PDE9A: variants seen among roughly 807,000 people sequenced by gnomAD.
PDE9A encodes high affinity cGMP-specific 3',5'-cyclic phosphodiesterase 9A.
In PDE9A, 60 loss-of-function variants were observed where a neutral mutation model predicts 87.4. The observed-to-expected ratio is 0.69, with a 90% confidence interval of 0.56 to 0.85. The LOEUF (loss-of-function observed/expected upper bound fraction) is 0.85. Among genes scored for constraint, PDE9A ranks in the 40% least tolerant of loss-of-function variants. The pLI, the probability that PDE9A is intolerant of heterozygous loss-of-function variation, is 0.00. For missense variants in PDE9A, 665 were observed against 779.0 expected (o/e 0.85, Z 1.74); for synonymous variants, 272 against 279.4 (o/e 0.97, Z 0.27).
At chr21:42,673,541 CAT>C (rs1369339209) in intron 1 of PDE9A, among the ~76,000 whole-genome samples, 1 of 152,232 alleles carries the variant, frequency 6.6e-6, no homozygotes, top group Non-Finnish European at 1.5e-5. Flanking sequence ...ACCGTCCTAA[CAT>C]ATGAAGCATA....
chr21:42,753,840 G>A (rs2054691522), intron 9 of PDE9A, 150 bp from the exon 10 acceptor site: 1 of 529,232 alleles, frequency 1.9e-6, no homozygotes, highest in South Asian at 2.4e-5. Context: ...CTCCAGCGTG[G>A]GCAAGAGTGA....
chr21:42,715,458 C>G (rs937692844), intron 4 of PDE9A, among the ~76,000 whole-genome samples: 1 of 147,070 alleles, frequency 6.8e-6, no homozygotes, highest in Non-Finnish European at 1.5e-5. Context: ...GAAACCCTGT[C>G]TCTACTAAAA....
chr21:42,728,149 G>C (rs2051334068), intron 4 of PDE9A, among the ~76,000 whole-genome samples: 1 of 152,204 alleles, frequency 6.6e-6, no homozygotes, highest in Non-Finnish European at 1.5e-5. Context: ...CATTGTATTA[G>C]GTATTCTAAG....
In PDE9A at chr21:42,732,365, G is replaced by A. The variant is rs542179687; in HGVS notation, c.497+241G>A. Among the ~76,000 whole-genome samples, 10 of 152,334 alleles carry A rather than the reference G, an allele frequency of 6.6e-5. No individual in the cohort carries two copies. In the South Asian group the frequency reaches 2.1e-3, roughly 32 times the overall value. On this transcript the variant is annotated intron_variant, in intron 6 of 19. Transcript: ENST00000291539. Reference sequence around the variant, plus strand: ...ATGTTGAGTGGGTGCATTAGAATGTGAGCTCGTGAGGTCGAGAATGTTCTC... The same window carrying A: ...ATGTTGAGTGGGTGCATTAGAATGTAAGCTCGTGAGGTCGAGAATGTTCTC...
rs1432026626 is a variant in PDE9A at position 42,675,627 on chromosome 21, C to T, written c.70-10565C>T. Among the ~76,000 whole-genome samples, 3 of 152,304 alleles carry T rather than the reference C, an allele frequency of 2.0e-5. No homozygotes were observed. Among genetic ancestry groups the T allele is most frequent in the Non-Finnish European group, 2.9e-5 (2 of 68,020 alleles). On this transcript the variant is annotated intron_variant, in intron 1 of 19. Coordinates refer to ENST00000291539, the MANE Select transcript of PDE9A (RefSeq NM_002606.3). This position sits in a 1 kb window ranked among gnomAD's most constrained non-coding sequence, Gnocchi z 4.3. ...AACGGCGCCAGCCTCACTGCCTCTGCGTTAGTGCCGCCACTTCATCTCAGA... is the reference window on the plus strand; with the variant it reads ...AACGGCGCCAGCCTCACTGCCTCTGTGTTAGTGCCGCCACTTCATCTCAGA...
At chr21:42,743,911 G>T in intron 8 of PDE9A, 51 bp downstream of exon 8, 1 of 1,031,328 alleles carries the variant, frequency 9.7e-7, no homozygotes, top group Non-Finnish European at 1.5e-6. Flanking sequence ...AGGGCTCCCC[G>T]TACCAGTTGG....
chr21:42,689,718 G>C, intron 3 of PDE9A: 1 of 985,418 alleles, frequency 1.0e-6, no homozygotes, highest in Non-Finnish European at 1.2e-6. Flanking sequence ...AGACACACCA[G>C]ACAAAAGCCC....
chr21:42,695,819 G>A lies in PDE9A; in HGVS notation c.219-3149G>A, dbSNP rs766727332. On this transcript the variant is annotated intron_variant, in intron 3 of 19. Transcript: ENST00000291539. This position sits in a 1 kb window ranked among gnomAD's most constrained non-coding sequence, Gnocchi z 4.3. The stretch of plus-strand genomic sequence containing the variant: ...GTGTTAATTTGTTATTGAGCATGAT[G>A]AAGATTCAGCTCCATTGAGACTGAG... Among the ~76,000 whole-genome samples, 3 of 152,248 alleles carry A rather than the reference G, an allele frequency of 2.0e-5. No individual in the cohort carries two copies. Among genetic ancestry groups the A allele is most frequent in the Non-Finnish European group, 4.4e-5 (3 of 68,048 alleles).
At chr21:42,688,102 G>T in intron 3 of PDE9A, 108 bp downstream of exon 3, 1 of 922,990 alleles carries the variant, frequency 1.1e-6, no homozygotes, top group South Asian at 1.3e-5. Context: ...GGTGTGAATT[G>T]ACAGCAGAGA....
rs1777320313 is a variant in PDE9A, at chr21:42,722,152, A to T, written c.263-9618A>T. ...CACCATGCCCAGCTAATTTTTTTGT[A>T]TTTTTAGTAGAGACGGAGTTTCACC... On this transcript the variant is annotated intron_variant, in intron 4 of 19. Transcript: ENST00000291539. This position sits in a 1 kb window ranked among gnomAD's most constrained non-coding sequence, Gnocchi z 4.1. Among the ~76,000 whole-genome samples the T allele has an allele frequency of 6.6e-6, 1 of 151,648 alleles. No individual in the cohort carries two copies. Among genetic ancestry groups the T allele is most frequent in the South Asian group, 2.1e-4 (1 of 4,808 alleles).
chr21:42,670,194 T>G (rs1309429686), intron 1 of PDE9A, among the ~76,000 whole-genome samples: 2 of 144,704 alleles, frequency 1.4e-5, no homozygotes, highest in Non-Finnish European at 3.0e-5. Context: ...CTTACACACA[T>G]TCACACACAT....
At chr21:42,717,965 G>A (rs1240509294) in intron 4 of PDE9A, among the ~76,000 whole-genome samples, 1 of 151,332 alleles carries the variant, frequency 6.6e-6, no homozygotes, top group Admixed American at 6.6e-5. Context: ...TGTTGCCCAG[G>A]CTAGAGTGCA....
chr21:42,673,103 T>C (rs2058653215), intron 1 of PDE9A, among the ~76,000 whole-genome samples: 1 of 152,148 alleles, frequency 6.6e-6, no homozygotes, highest in South Asian at 2.1e-4. Context: ...TGACGAATCC[T>C]CCTAACATTC....
chr21:42,760,876 C>T lies in PDE9A; in HGVS notation c.1054C>T (p.His352Tyr). ...GATCCTAATGACAGCGGCCATCTGC[C>T]ACGATCTGGACCATCCCGGCTACAA... ...ILILMTAAIC[H>Y]DLDHPGYNNT... The change falls in exon 13 of 20, where the codon CAC becomes TAC. Residue 352 changes from histidine (H) to tyrosine (Y), a missense_variant. His to Tyr is a moderately conservative substitution (Grantham distance 83, BLOSUM62 2). Transcript: ENST00000291539. This position sits in a 1 kb window ranked among gnomAD's most constrained non-coding sequence, Gnocchi z 5.2. 6.2e-7 allele frequency: 1 copy of T among 1,612,528 alleles called. No individual in the cohort carries two copies.
chr21:42,669,670 G>A (rs765011556), intron 1 of PDE9A, among the ~76,000 whole-genome samples: 8 of 152,184 alleles, frequency 5.3e-5, no homozygotes, highest in Non-Finnish European at 8.8e-5. Context: ...CATGCTGGCT[G>A]TATGTTCTCG....
rs115332328 is a variant in PDE9A, at chr21:42,715,020, C to T, written c.262+16009C>T. 4.8e-3 allele frequency among the ~76,000 whole-genome samples: 727 copies of T among 152,276 alleles called. 3 individuals are homozygous for T. Among genetic ancestry groups the T allele is most frequent in the African/African-American group, 0.017 (691 of 41,536 alleles). On this transcript the variant is annotated intron_variant, in intron 4 of 19. Coordinates refer to ENST00000291539, the MANE Select transcript of PDE9A (RefSeq NM_002606.3). ...GTTAGCTCTACCACGTTGCTATTTG[C>T]TGTTTCTTGATCTTGGGTTTTGTTT...
intron 18 of PDE9A, 125 bp from the exon 19 acceptor site, chr21:42,772,314 G>C: frequency 1.6e-6 from 1 of 644,332 alleles, no homozygotes; most frequent in East Asian, 2.8e-5. Flanking sequence ...TGGGCTCAGA[G>C]GGGCTGGGGA....
intron 15 of PDE9A, among the ~76,000 whole-genome samples, chr21:42,766,200 T>A (rs2056382546): frequency 6.6e-6 from 1 of 152,132 alleles, no homozygotes; most frequent in Admixed American, 6.5e-5. Flanking sequence ...AATCAGTGCA[T>A]ATCTGTGGTC....
rs528861977 is a variant in PDE9A, at chr21:42,741,962, G to A, written c.569-1814G>A. Among the ~76,000 whole-genome samples, 5 of 152,274 alleles carry A rather than the reference G, an allele frequency of 3.3e-5. No homozygotes were observed. In the South Asian group the frequency reaches 1.0e-3, roughly 32 times the overall value. On this transcript the variant is annotated intron_variant, in intron 7 of 19. Coordinates refer to ENST00000291539, the MANE Select transcript of PDE9A (RefSeq NM_002606.3). ...TCCTTTTGCATAAAAACTAAGGTGT[G>A]ATTACAAAGTAACAAAGCTAATCTT...
Sources: gnomAD v4.1 joint callset for allele counts (sites outside exome capture counted in the v4.1 genomes callset) on GRCh38, gnomAD v4.1.1 for gene constraint, Gnocchi (gnomAD v3.1) non-coding constraint, MANE v1.5 for transcripts, NCBI Gene and HGNC (gene_info 2026-07-23, HGNC 2026-07-21) for gene names.